CADPS2: variants seen among roughly 807,000 people sequenced by gnomAD.
The protein encoded by CADPS2 is calcium-dependent secretion activator 2.
CADPS2 carries 93 observed loss-of-function variants against 172.5 expected under a neutral mutation model. The ratio of observed to expected loss-of-function variants is 0.54; its 90% confidence interval spans 0.46 to 0.64. CADPS2 has a LOEUF of 0.64. CADPS2 is among the 30% of genes least tolerant of loss of function. CADPS2 has a pLI of 0.00. For missense variants in CADPS2, 1,420 were observed against 1,565.9 expected (o/e 0.91, Z 1.57); for synonymous variants, 546 against 555.2 (o/e 0.98, Z 0.23).
At chr7:122,347,392 AAATT>A (rs746375471) in intron 27 of CADPS2, among the ~76,000 whole-genome samples, 1 of 152,150 alleles carries the variant, frequency 6.6e-6, no homozygotes, top group Non-Finnish European at 1.5e-5. Flanking sequence ...CCATTTATAA[AAATT>A]AATGATTTTT....
chr7:122,321,769 A>T lies in CADPS2; in HGVS notation c.3718-1431T>A, dbSNP rs188973849. Among the ~76,000 whole-genome samples the T allele has an allele frequency of 1.2e-3, 180 of 152,316 alleles. No homozygotes were observed. The Middle Eastern group carries it at 0.014, about 12-fold the overall frequency. ...TGCTGGCATTACAGGCGTGAGCCAC[A>T]GCACTCAGCCATGTTCACTTTTTAA... On this transcript the variant is annotated intron_variant, in intron 29 of 29. Transcript: ENST00000449022.
At chr7:122,863,579 C>A (rs1157090444) in intron 1 of CADPS2, among the ~76,000 whole-genome samples, 1 of 151,720 alleles carries the variant, frequency 6.6e-6, no homozygotes, top group African/African-American at 2.4e-5. Flanking sequence ...CAAAGGAAGA[C>A]AAGATGGGTA....
chr7:122,424,921 A>G (rs985740243), intron 17 of CADPS2, among the ~76,000 whole-genome samples: 1 of 152,168 alleles, frequency 6.6e-6, no homozygotes, highest in Non-Finnish European at 1.5e-5. Context: ...TAGGATTTTA[A>G]TGATAGCATA....
At chr7:122,342,806 A>G (rs2036982370) in intron 28 of CADPS2, among the ~76,000 whole-genome samples, 1 of 152,176 alleles carries the variant, frequency 6.6e-6, no homozygotes, top group Non-Finnish European at 1.5e-5. Context: ...TATATAGGAA[A>G]TACTCTAATT....
At chr7:122,658,032 C>T (rs1012014259) in intron 3 of CADPS2, among the ~76,000 whole-genome samples, 1 of 152,112 alleles carries the variant, frequency 6.6e-6, no homozygotes, top group East Asian at 1.9e-4. Flanking sequence ...AGAACTCAAA[C>T]AAATTTACAA....
At chr7:122,777,673 G>T (rs1489215646) in intron 1 of CADPS2, among the ~76,000 whole-genome samples, 1 of 152,040 alleles carries the variant, frequency 6.6e-6, no homozygotes, top group African/African-American at 2.4e-5. Context: ...AGATCTGATG[G>T]TTTTATAATA....
chr7:122,381,146 C>T (rs1475061952), intron 24 of CADPS2, among the ~76,000 whole-genome samples: 2 of 152,082 alleles, frequency 1.3e-5, no homozygotes, highest in Admixed American at 6.6e-5. Flanking sequence ...AAAAAGGCCC[C>T]CCAGCTCCTG....
chr7:122,346,849 T>C (rs2037742051), intron 27 of CADPS2, among the ~76,000 whole-genome samples: 1 of 152,214 alleles, frequency 6.6e-6, no homozygotes, highest in Admixed American at 6.5e-5. Flanking sequence ...TTGAACTTCA[T>C]ATAGCTGGAC....
intron 2 of CADPS2, among the ~76,000 whole-genome samples, chr7:122,731,036 T>G (rs1448978748): frequency 1.8e-5 from 2 of 113,984 alleles, no homozygotes; most frequent in East Asian, 4.9e-4. Flanking sequence ...TGTCCCATTA[T>G]AAAGCAGGAA....
Position 122,647,423 on chromosome 7 carries a change from C to G in CADPS2, c.786+15814G>C, listed in dbSNP as rs139405042. 3.1e-3 allele frequency among the ~76,000 whole-genome samples: 477 copies of G among 152,258 alleles called. 2 individuals carry two copies. Among genetic ancestry groups the G allele is most frequent in the African/African-American group, 0.011 (457 of 41,550 alleles). The stretch of plus-strand genomic sequence containing the variant: ...ATCATATATCAGAATCATGAAAATA[C>G]TTTGCACGTAGGCAATGAAGTAGTT... On this transcript the variant is annotated intron_variant, in intron 3 of 29. Coordinates refer to ENST00000449022, the MANE Select transcript of CADPS2 (RefSeq NM_017954.11).
chr7:122,722,939 C>T (rs1161013833), intron 2 of CADPS2, among the ~76,000 whole-genome samples: 1 of 152,024 alleles, frequency 6.6e-6, no homozygotes, highest in African/African-American at 2.4e-5. Flanking sequence ...AAACGATTCC[C>T]TATTTAATAA....
At chr7:122,683,164 T>C (rs767690380) in intron 2 of CADPS2, among the ~76,000 whole-genome samples, 1 of 152,174 alleles carries the variant, frequency 6.6e-6, no homozygotes, top group Non-Finnish European at 1.5e-5. Flanking sequence ...GGAAAGGGGA[T>C]GGTGCAGGAA....
At chr7:122,625,783 C>CCACACA (rs373750217) in intron 4 of CADPS2, among the ~76,000 whole-genome samples, 3 of 151,472 alleles carry the variant, frequency 2.0e-5, no homozygotes, top group African/African-American at 7.3e-5. Context: ...CCCTGCCCTC[C>CCACACA]CACACACACA....
chr7:122,672,998 G>A lies in CADPS2; in HGVS notation c.454-9429C>T, dbSNP rs572578237. 2.1e-3 allele frequency among the ~76,000 whole-genome samples: 314 copies of A among 152,280 alleles called. 3 individuals carry two copies. The highest frequency in any genetic ancestry group is 3.7e-3 in the Non-Finnish European group (249 of 68,024). On this transcript the variant is annotated intron_variant, in intron 2 of 29. Coordinates refer to ENST00000449022, the MANE Select transcript of CADPS2 (RefSeq NM_017954.11). ...CTTCTGGTGGGTTCGTGGTCTCACTGACTTCAGGAGTGAAGCTGCAGACCT... is the reference window on the plus strand; with the variant it reads ...CTTCTGGTGGGTTCGTGGTCTCACTAACTTCAGGAGTGAAGCTGCAGACCT...
intron 8 of CADPS2, among the ~76,000 whole-genome samples, chr7:122,519,453 T>C (rs1042356785): frequency 2.6e-5 from 4 of 152,094 alleles, no homozygotes; most frequent in African/African-American, 7.2e-5. Flanking sequence ...ACAAAGAAAT[T>C]AGCAGCACTG....
intron 7 of CADPS2, among the ~76,000 whole-genome samples, chr7:122,571,928 C>T (rs1181939032): frequency 6.6e-6 from 1 of 152,084 alleles, no homozygotes; most frequent in South Asian, 2.1e-4. Context: ...ATTAACTATA[C>T]TAATTTTTCA....
At chr7:122,759,758 T>C (rs2093312019) in intron 1 of CADPS2, among the ~76,000 whole-genome samples, 1 of 152,186 alleles carries the variant, frequency 6.6e-6, no homozygotes, top group Non-Finnish European at 1.5e-5. Flanking sequence ...TCACCATTTC[T>C]GAAGAAAGCA....
At position 122,453,694 on chromosome 7, in the gene CADPS2, C is replaced by T. The variant is rs1194909527; in HGVS notation, c.2187-2219G>A. ...TGTGGTTAAATAGGAGTAAACTTTTCTATTTTGTTCAACTGTCAAATGAGA... is the reference window on the plus strand; with the variant it reads ...TGTGGTTAAATAGGAGTAAACTTTTTTATTTTGTTCAACTGTCAAATGAGA... On this transcript the variant is annotated intron_variant, in intron 14 of 29. Coordinates refer to ENST00000449022, the MANE Select transcript of CADPS2 (RefSeq NM_017954.11). Among the ~76,000 whole-genome samples the T allele has an allele frequency of 2.6e-5, 4 of 152,148 alleles. No individual in the cohort carries two copies. In the East Asian group the frequency reaches 7.7e-4, roughly 29 times the overall value.
chr7:122,649,529 C>T (rs2078915524), intron 3 of CADPS2, among the ~76,000 whole-genome samples: 1 of 152,158 alleles, frequency 6.6e-6, no homozygotes, highest in African/African-American at 2.4e-5. Context: ...GGCCTGACCT[C>T]CACAGACCAT....
Sources: allele counts gnomAD v4.1 joint callset (sites outside exome capture counted in the v4.1 genomes callset), GRCh38; gene constraint gnomAD v4.1.1; transcripts MANE v1.5; gene names NCBI Gene and HGNC (gene_info 2026-07-23, HGNC 2026-07-21).